The following CHRNA2 variants were observed in gnomAD, a reference collection of about 807,000 sequenced individuals.
CHRNA2 encodes the protein cholinergic receptor nicotinic alpha 2 subunit, also known as neuronal acetylcholine receptor subunit alpha-2.
Under a neutral mutation model 45.5 loss-of-function variants are expected in CHRNA2, and 40 were observed. That is an observed-to-expected ratio of 0.88 (90% CI 0.68 to 1.15). CHRNA2 has a LOEUF of 1.15. CHRNA2 is among the 50% of genes most tolerant of loss of function. The pLI is 0.00. For synonymous variants in CHRNA2, 301 were observed against 296.7 expected (o/e 1.01, Z -0.15); for missense variants, 655 against 701.7 (o/e 0.93, Z 0.75).
chr8:27,477,811 T>A (rs989259565), intron 1 of CHRNA2, among the ~76,000 whole-genome samples: 1 of 151,812 alleles, frequency 6.6e-6, no homozygotes, highest in Admixed American at 6.6e-5. Flanking sequence ...GTGAATGGGG[T>A]ACACAGAGAA....
Position 27,463,205 on chromosome 8 carries a change from C to A in CHRNA2, c.1238G>T (p.Arg413Met). The A allele has an allele frequency of 6.3e-7, 1 of 1,589,072 alleles. No individual in the cohort carries two copies. The highest frequency in any genetic ancestry group is 1.3e-5 in the African/African-American group (1 of 74,680). The part of the protein sequence containing the change: ...WLESNVDAEE[R>M]EVVVEEEDRW... ...GTCCTCCTCCTCCACCACCACCTCC[C>A]TCTCCTCGGCATCCACGTTGCTCTC... is the stretch of plus-strand genomic sequence containing the variant. The change falls in exon 6 of 7, where the codon AGG becomes ATG. Residue 413 changes from arginine (R) to methionine (M), a missense_variant. Arg to Met is a moderately conservative substitution (Grantham distance 91, BLOSUM62 -1). Coordinates refer to ENST00000407991, the MANE Select transcript of CHRNA2 (RefSeq NM_000742.4). The surrounding 1 kb of genome is among the most constrained non-coding windows in gnomAD (Gnocchi z 6.1).
chr8:27,473,578 G>A (rs563445899), intron 1 of CHRNA2, among the ~76,000 whole-genome samples: 31 of 147,392 alleles, frequency 2.1e-4, no homozygotes, highest in South Asian at 4.3e-4. Context: ...ATAGTGGTGC[G>A]TGCCTGTGAT....
chr8:27,474,012 G>C (rs1812984397), intron 1 of CHRNA2, among the ~76,000 whole-genome samples: 1 of 152,150 alleles, frequency 6.6e-6, no homozygotes, highest in Non-Finnish European at 1.5e-5. Context: ...CTGGGATTTT[G>C]TCTTAAGATA....
chr8:27,463,353 G>T lies in CHRNA2; in HGVS notation c.1090C>A (p.His364Asn). The T allele has an allele frequency of 6.2e-7, 1 of 1,614,038 alleles. No individual in the cohort carries two copies. Among genetic ancestry groups the T allele is most frequent in the Non-Finnish European group, 8.5e-7 (1 of 1,180,030 alleles). The change falls in exon 6 of 7, where the codon CAC becomes AAC. Residue 364 changes from histidine to asparagine, a missense_variant. Transcript: ENST00000407991. This position sits in a 1 kb window ranked among gnomAD's most constrained non-coding sequence, Gnocchi z 6.1. ...HRSPSTHTMPHWVRGALLGCV... is the reference protein window; with the variant it reads ...HRSPSTHTMPNWVRGALLGCV... ...CCCAGAAGGGCCCCCCGCACCCAGT[G>T]GGGCATGGTGTGGGTGCTGGGGGAG...
At chr8:27,466,522 C>T (rs1293823707) in intron 5 of CHRNA2, among the ~76,000 whole-genome samples, 2 of 152,168 alleles carry the variant, frequency 1.3e-5, no homozygotes, top group African/African-American at 2.4e-5. Flanking sequence ...CTATTTATAA[C>T]TCAAAGAAGC....
chr8:27,470,316 C>G (rs1344507148), intron 2 of CHRNA2, among the ~76,000 whole-genome samples: 1 of 152,128 alleles, frequency 6.6e-6, no homozygotes, highest in African/African-American at 2.4e-5. Context: ...GACGCCTGGT[C>G]TACGTGGCGG....
rs544902151 is a variant in CHRNA2, at chr8:27,463,108, C to G, written c.1335G>C (p.Gly445=). ...TLCSHGHLHS[G]ASGPKAEALL... ...GAGCCTCAGCCTTGGGACCTGAGGCCCCAGAGTGCAGGTGGCCGTGGCTGC... is the reference window on the plus strand; with the variant it reads ...GAGCCTCAGCCTTGGGACCTGAGGCGCCAGAGTGCAGGTGGCCGTGGCTGC... Residue 445 remains glycine (G), a synonymous_variant, in exon 6 of 7, where the codon GGG becomes GGC. Coordinates refer to ENST00000407991, the MANE Select transcript of CHRNA2 (RefSeq NM_000742.4). This position sits in a 1 kb window ranked among gnomAD's most constrained non-coding sequence, Gnocchi z 6.1. 3.8e-5 allele frequency: 62 copies of G among 1,610,856 alleles called. No homozygotes were observed. The highest frequency in any genetic ancestry group is 1.7e-4 in the Middle Eastern group (1 of 6,052).
At chr8:27,476,881 G>A (rs1391470817) in intron 1 of CHRNA2, among the ~76,000 whole-genome samples, 1 of 152,018 alleles carries the variant, frequency 6.6e-6, no homozygotes, top group Non-Finnish European at 1.5e-5. Flanking sequence ...AGAACACTGT[G>A]CATTTATGTT....
chr8:27,468,625 G>A (rs550446896), intron 4 of CHRNA2, among the ~76,000 whole-genome samples: 14 of 152,220 alleles, frequency 9.2e-5, no homozygotes, highest in African/African-American at 2.4e-4. Flanking sequence ...TGAAGGGGGC[G>A]AAGGGCCCAT....
intron 1 of CHRNA2, among the ~76,000 whole-genome samples, chr8:27,473,969 T>G (rs1314737259): frequency 2.0e-5 from 3 of 152,168 alleles, no homozygotes; most frequent in Non-Finnish European, 4.4e-5. Context: ...CACCACTGGC[T>G]GGTGATGATC....
chr8:27,462,718 C>G (rs777737369), intron 6 of CHRNA2, among the ~76,000 whole-genome samples: 3 of 152,212 alleles, frequency 2.0e-5, no homozygotes, highest in Non-Finnish European at 2.9e-5. Context: ...TCCTCCCTCT[C>G]CGGCTCTCAG....
rs200372256 is a variant in CHRNA2 at position 27,463,671 on chromosome 8, C to T, written c.772G>A (p.Ala258Thr). 3.9e-5 allele frequency: 63 copies of T among 1,613,870 alleles called. No individual in the cohort carries two copies. The highest frequency in any genetic ancestry group is 5.0e-5 in the Non-Finnish European group (59 of 1,179,980). The change falls in exon 6 of 7, where the codon GCC becomes ACC. Residue 258 changes from alanine (A) to threonine (T), a missense_variant. This residue lies in a region of CHRNA2 where 323 missense variants were observed against 354.4 expected (regional missense o/e 0.91). Transcript: ENST00000407991. This position sits in a 1 kb window ranked among gnomAD's most constrained non-coding sequence, Gnocchi z 6.1. ...CAEIYPDVTYAFVIRRLPLFY... is the reference protein window; with the variant it reads ...CAEIYPDVTYTFVIRRLPLFY... ...AGCGGCAGCCGCCGGATGACGAAGG[C>T]GTAGGTGACGTCGGGGTAGATCTCG...
At chr8:27,466,537 C>T (rs1812704063) in intron 5 of CHRNA2, among the ~76,000 whole-genome samples, 1 of 152,158 alleles carries the variant, frequency 6.6e-6, no homozygotes, top group Non-Finnish European at 1.5e-5. Flanking sequence ...AGAAGCCATG[C>T]TCCTTACAGC....
chr8:27,467,308 G>A lies in CHRNA2; in HGVS notation c.370C>T (p.Pro124Ser). ...EWSDYKLRWN[P>S]TDFGNITSLR... ...GATGTGATGTTGCCAAAATCAGTGGGGTTCCAGCGCAGTTTGTAGTCGCTC... is the reference window on the plus strand; with the variant it reads ...GATGTGATGTTGCCAAAATCAGTGGAGTTCCAGCGCAGTTTGTAGTCGCTC... Residue 124 changes from proline (P) to serine (S), a missense_variant, in exon 5 of 7, where the codon CCC becomes TCC. Coordinates refer to ENST00000407991, the MANE Select transcript of CHRNA2 (RefSeq NM_000742.4). 3 of 1,613,900 alleles carry A rather than the reference G, an allele frequency of 1.9e-6. No homozygotes were observed. The highest frequency in any genetic ancestry group is 1.7e-6 in the Non-Finnish European group (2 of 1,179,800).
At chr8:27,473,466 A>G (rs1456614474) in intron 1 of CHRNA2, among the ~76,000 whole-genome samples, 1 of 151,952 alleles carries the variant, frequency 6.6e-6, no homozygotes, top group Non-Finnish European at 1.5e-5. Context: ...TTTGGAGGCC[A>G]AGATGGAAGG....
At chr8:27,470,134 G>A (rs1364450560) in intron 2 of CHRNA2, 153 bp from the exon 3 acceptor site, 2 of 774,276 alleles carry the variant, frequency 2.6e-6, no homozygotes, top group Non-Finnish European at 4.4e-6. Context: ...CAGGCTGCGG[G>A]GTCGGAGCTC....
chr8:27,467,449 G>T, intron 4 of CHRNA2, 111 bp from the exon 5 acceptor site: 1 of 807,234 alleles, frequency 1.2e-6, no homozygotes. Flanking sequence ...CCTTGGAGCA[G>T]CCAGGGCTCC....
chr8:27,468,104 A>G (rs891400), intron 4 of CHRNA2, among the ~76,000 whole-genome samples: 26,542 of 152,158 alleles, frequency 0.17, 2,672 homozygotes, highest in East Asian at 0.44. Context: ...TCATTTTGCA[A>G]ATGAGGAAAC....
chr8:27,461,643 C>G lies in CHRNA2; in HGVS notation c.1576G>C (p.Ala526Pro), dbSNP rs1422832722. Reference sequence around the variant, plus strand: ...GGGAGGTGCAGTCAGATCATTCCAGCTAGGAACGGAGGCAGAAAGAGGCCG... The same window carrying G: ...GGGAGGTGCAGTCAGATCATTCCAGGTAGGAACGGAGGCAGAAAGAGGCCG... ...TIGLFLPPFL[A>P]GMI Residue 526 changes from alanine (A) to proline (P), a missense_variant, in exon 7 of 7, where the codon GCT becomes CCT. Physicochemically the swap from Ala to Pro is conservative, Grantham distance 27. Around this residue, in one of 3 missense-constraint regions of CHRNA2, gnomAD observed 295 missense variants for 280.4 expected, o/e 1.05. Coordinates refer to ENST00000407991, the MANE Select transcript of CHRNA2 (RefSeq NM_000742.4). 6 of 1,614,118 alleles carry G rather than the reference C, an allele frequency of 3.7e-6. No homozygotes were observed. Among genetic ancestry groups the G allele is most frequent in the Non-Finnish European group, 2.5e-6 (3 of 1,180,046 alleles).
Sources: gnomAD v4.1 joint callset for allele counts (sites outside exome capture counted in the v4.1 genomes callset) on GRCh38, gnomAD v4.1.1 for gene constraint, gnomAD v4.1.1 regional missense constraint, Gnocchi (gnomAD v3.1) non-coding constraint, MANE v1.5 for transcripts, NCBI Gene and HGNC (gene_info 2026-07-23, HGNC 2026-07-21) for gene names.